SYNE2: variants seen among roughly 807,000 people sequenced by gnomAD.
SYNE2 encodes the protein nesprin-2.
Under a neutral mutation model 856.3 loss-of-function variants are expected in SYNE2, and 431 were observed. That is an observed-to-expected ratio of 0.50 (90% CI 0.47 to 0.55). The LOEUF is 0.55. Ranked by LOEUF, SYNE2 falls within the 20% of genes least tolerant of loss-of-function variation. The pLI, the probability that SYNE2 is intolerant of heterozygous loss-of-function variation, is 0.00. For synonymous variants in SYNE2, 2,923 were observed against 2,872.3 expected (o/e 1.02, Z -0.56); for missense variants, 8,129 against 8,023.2 (o/e 1.01, Z -0.50).
intron 2 of SYNE2, among the ~76,000 whole-genome samples, chr14:63,917,151 A>G (rs2095543027): frequency 6.6e-6 from 1 of 152,182 alleles, no homozygotes; most frequent in South Asian, 2.1e-4. Context: ...ACCCTTTTGT[A>G]GTAAAGTCCC....
chr14:63,943,178 A>T (rs192125057), intron 6 of SYNE2, among the ~76,000 whole-genome samples: 1 of 152,316 alleles, frequency 6.6e-6, no homozygotes, highest in East Asian at 1.9e-4. Flanking sequence ...CACAACATCC[A>T]GTTCTATCCC....
At chr14:63,978,444 C>T (rs192773867) in intron 13 of SYNE2, among the ~76,000 whole-genome samples, 6 of 152,226 alleles carry the variant, frequency 3.9e-5, no homozygotes, top group Admixed American at 3.9e-4. Flanking sequence ...ATTATCTTTT[C>T]TTATTACTCA....
intron 108 of SYNE2, 119 bp downstream of exon 108, chr14:64,216,506 G>GTTTTCTTATGGTGA: frequency 1.7e-6 from 2 of 1,163,240 alleles, no homozygotes; most frequent in South Asian, 1.2e-5. Flanking sequence ...TTTTGAGTTG[G>GTTTTCTTATGGTGA]TTTTCTTATG....
At chr14:64,103,711 C>G (rs73279566) in intron 64 of SYNE2, among the ~76,000 whole-genome samples, 7,507 of 152,188 alleles carry the variant, frequency 0.049, 612 homozygotes, top group African/African-American at 0.17. Context: ...CTTCCCCTCC[C>G]TAACATGTTC....
intron 50 of SYNE2, 98 bp from the exon 51 acceptor site, chr14:64,065,334 A>C: frequency 9.3e-7 from 1 of 1,069,540 alleles, no homozygotes; most frequent in Non-Finnish European, 1.4e-6. Flanking sequence ...CTTATGGAAG[A>C]TTGAAATAAT....
At chr14:63,871,808 C>G (rs1896921573) in intron 1 of SYNE2, among the ~76,000 whole-genome samples, 1 of 151,734 alleles carries the variant, frequency 6.6e-6, no homozygotes, top group Non-Finnish European at 1.5e-5. Context: ...TAAATTATAT[C>G]TATATATAGA....
In SYNE2 at chr14:63,974,888, G is replaced by GTATATATATATATA. The variant is rs1370206967; in HGVS notation, c.1129-1674_1129-1673insATATATATATATAT. On this transcript the variant is annotated intron_variant, in intron 11 of 115. Coordinates refer to ENST00000555002, the MANE Select transcript of SYNE2 (RefSeq NM_182914.3). ...TGTGTGTGTGTGTGTGTGTGTGTGTGTGTGTATATATATATATATATATAT... is the reference window on the plus strand; with the variant it reads ...TGTGTGTGTGTGTGTGTGTGTGTGTGTATATATATATATATGTGTATATATATATATATATATAT... 8.3e-3 allele frequency among the ~76,000 whole-genome samples: 217 copies of GTATATATATATATA among 26,266 alleles called. 1 individual carries two copies. Among genetic ancestry groups the GTATATATATATATA allele is most frequent in the Non-Finnish European group, 0.012 (162 of 12,962 alleles). 17.2% of individuals were successfully genotyped at this position (26,266 alleles called of 152,430 possible).
chr14:64,065,759 T>C (rs1214053190), intron 51 of SYNE2, 109 bp downstream of exon 51: 1 of 1,193,076 alleles, frequency 8.4e-7, no homozygotes, highest in Non-Finnish European at 1.2e-6. Flanking sequence ...CTATACCATT[T>C]GTGCACATCA....
Position 64,141,941 on chromosome 14 carries a change from G to A in SYNE2, c.15160-1G>A, listed in dbSNP as rs1231386067. 1 of 1,613,848 alleles carries A rather than the reference G, an allele frequency of 6.2e-7. No homozygotes were observed. The highest frequency in any genetic ancestry group is 1.1e-5 in the South Asian group (1 of 91,032). On this transcript the variant is annotated splice_acceptor_variant, in intron 81 of 115. Transcript: ENST00000555002. LOFTEE classifies it high-confidence loss of function. ...AAATGGAAATCATTTTGTTCTTACA[G>A]CTTCAAATGGAGAAATTGCCGTCTC...
chr14:64,050,193 T>C (rs1193925540), intron 47 of SYNE2, among the ~76,000 whole-genome samples: 1 of 152,206 alleles, frequency 6.6e-6, no homozygotes, highest in Non-Finnish European at 1.5e-5. Context: ...ATCTTAGCTG[T>C]GTCCTCATGT....
At chr14:63,974,892 G>GTATCTATATATA (rs2096527541) in intron 11 of SYNE2, among the ~76,000 whole-genome samples, 1 of 67,322 alleles carries the variant, frequency 1.5e-5, no homozygotes, top group Non-Finnish European at 3.1e-5. Flanking sequence ...GTGTGTGTGT[G>GTATCTATATATA]TATATATATA....
At chr14:64,071,053 C>A in intron 52 of SYNE2, 143 bp downstream of exon 52, 1 of 788,344 alleles carries the variant, frequency 1.3e-6, no homozygotes. Flanking sequence ...AGGGATGGAA[C>A]AGATTAGTAA....
intron 96 of SYNE2, among the ~76,000 whole-genome samples, chr14:64,185,092 A>C (rs2098481936): frequency 1.3e-5 from 2 of 152,196 alleles, no homozygotes; most frequent in Non-Finnish European, 2.9e-5. Context: ...TTCCATCTCT[A>C]CAAAAAGATA....
chr14:63,815,192 C>G lies in SYNE2; in HGVS notation c.-304-37309C>G, dbSNP rs368763994. 8.8e-3 allele frequency among the ~76,000 whole-genome samples: 118 copies of G among 13,426 alleles called. 8 individuals carry two copies. Among genetic ancestry groups the G allele is most frequent in the South Asian group, 0.042 (17 of 404 alleles). The allele number at this position is 13,426 out of a possible 152,430, so 8.8% of individuals were successfully genotyped here. A position where few individuals can be genotyped will look rare whatever the true frequency, so the allele number is the denominator to read the frequency against. ...TCCACATATATATCCATATATATAT[C>G]CATATATATATCCATATATATATCC... On this transcript the variant is annotated intron_variant, in intron 1 of 23. Transcript: ENST00000674003.
At chr14:64,110,589 C>T (rs1435800003) in intron 65 of SYNE2, among the ~76,000 whole-genome samples, 3 of 9,626 alleles carry the variant, frequency 3.1e-4, no homozygotes, top group Non-Finnish European at 5.3e-4. Context: ...ACTTTTTACA[C>T]CCCCCCCCCC....
chr14:64,048,797 T>C (rs1310881406), intron 46 of SYNE2: 1 of 151,728 alleles, frequency 6.6e-6, no homozygotes, highest in Admixed American at 6.6e-5. Context: ...TAGTTTCAGC[T>C]ACTCAGGAGA....
Position 64,025,316 on chromosome 14 carries a change from T to G in SYNE2, c.6147T>G (p.Leu2049=). ...LPTEDQSFND[L]AHDVIHWIKE... Reference sequence around the variant, plus strand: ...CAGAGGACCAGAGCTTTAATGATCTTGCACATGATGTAATTCATTGGATAA... The same window carrying G: ...CAGAGGACCAGAGCTTTAATGATCTGGCACATGATGTAATTCATTGGATAA... The change falls in exon 41 of 116, where the codon CTT becomes CTG. Residue 2049 remains leucine (L), a synonymous_variant. Transcript: ENST00000555002. The G allele has an allele frequency of 6.2e-7, 1 of 1,614,114 alleles. No homozygotes were observed. Among genetic ancestry groups the G allele is most frequent in the South Asian group, 1.1e-5 (1 of 91,080 alleles).
chr14:64,143,000 G>C (rs1396888975), intron 82 of SYNE2, among the ~76,000 whole-genome samples: 1 of 152,218 alleles, frequency 6.6e-6, no homozygotes, highest in Non-Finnish European at 1.5e-5. Context: ...GTAGGCAGAA[G>C]ATGAATGGCT....
intron 8 of SYNE2, among the ~76,000 whole-genome samples, chr14:63,957,791 T>A (rs2096259389): frequency 6.6e-6 from 1 of 152,090 alleles, no homozygotes; most frequent in Non-Finnish European, 1.5e-5. Flanking sequence ...CTGATCAAGG[T>A]TGTCATGGTG....
Sources: allele counts gnomAD v4.1 joint callset (sites outside exome capture counted in the v4.1 genomes callset), GRCh38; gene constraint gnomAD v4.1.1; transcripts MANE v1.5; gene names NCBI Gene and HGNC (gene_info 2026-07-23, HGNC 2026-07-21).